FYB2: variants seen among roughly 807,000 people sequenced by gnomAD.
The protein encoded by FYB2 is FYN binding protein 2.
Under a neutral mutation model 94.1 loss-of-function variants are expected in FYB2, and 103 were observed. The ratio of observed to expected loss-of-function variants is 1.09; its 90% CI spans 0.93 to 1.29. The LOEUF is 1.29. Among genes scored for constraint, FYB2 ranks in the 50% most tolerant of loss-of-function variants. The probability of loss-of-function intolerance (pLI) is 0.00; values close to 1 mark genes in which losing one functional copy is unlikely to be tolerated. For missense variants in FYB2, 896 were observed against 841.5 expected (o/e 1.06, Z -0.80); for synonymous variants, 293 against 287.9 (o/e 1.02, Z -0.18).
At chr1:56,819,431 A>G (rs1323699977), upstream of FYB2, 5 of 1,218,050 alleles carry the variant, frequency 4.1e-6, no homozygotes, top group Non-Finnish European at 5.8e-6. Flanking sequence ...CAGGCTCCCC[A>G]CCTGCCCCAT....
chr1:56,807,578 C>T (rs1557669256), intron 1 of FYB2, among the ~76,000 whole-genome samples: 1 of 152,198 alleles, frequency 6.6e-6, no homozygotes, highest in South Asian at 2.1e-4. Context: ...ATTGCCTCTG[C>T]TACTTCTATG....
intron 15 of FYB2, among the ~76,000 whole-genome samples, chr1:56,732,962 C>T (rs1644744028): frequency 6.6e-6 from 1 of 151,936 alleles, no homozygotes; most frequent in African/African-American, 2.4e-5. Context: ...GCACAAGTAA[C>T]AAAGCAAAAA....
At chr1:56,788,898 C>T (rs566694004) in intron 3 of FYB2, 75 bp downstream of exon 3, 13 of 1,566,344 alleles carry the variant, frequency 8.3e-6, no homozygotes, top group African/African-American at 4.1e-5. Context: ...GCAGCGGCAT[C>T]GTCACCTGGG....
intron 4 of FYB2, among the ~76,000 whole-genome samples, chr1:56,776,116 T>C (rs1043991150): frequency 1.3e-5 from 2 of 152,090 alleles, no homozygotes; most frequent in Non-Finnish European, 2.9e-5. Flanking sequence ...TCCTCTGCAC[T>C]ACAAGTCACT....
chr1:56,794,370 A>C (rs1264080611), intron 1 of FYB2, among the ~76,000 whole-genome samples: 1 of 152,210 alleles, frequency 6.6e-6, no homozygotes, highest in Admixed American at 6.5e-5. Context: ...TTTCGCAGGA[A>C]GTAGGACAAT....
Position 56,719,678 on chromosome 1 carries a change from G to C in FYB2, c.2180C>G (p.Ser727Ter), listed in dbSNP as rs1406968360. The change falls in exon 20 of 20, where the codon TCA becomes TGA. Residue 727 changes from serine to a stop codon, truncating the protein, a stop_gained. Coordinates refer to ENST00000343433, the MANE Select transcript of FYB2 (RefSeq NM_001004303.5). LOFTEE classifies it high-confidence loss of function. ...CATTTGATCTTGATTTTTCTAAGGT[G>C]ACCAACTTTGATGCCTGTGAAAAAA... ...EHLDFKHQSW[S>*]P 1 of 1,601,074 alleles carries C rather than the reference G, an allele frequency of 6.2e-7. No homozygotes were observed. The highest frequency in any genetic ancestry group is 8.5e-7 in the Non-Finnish European group (1 of 1,169,818).
chr1:56,795,822 T>C (rs183549967), intron 1 of FYB2, among the ~76,000 whole-genome samples: 1 of 152,312 alleles, frequency 6.6e-6, no homozygotes, highest in East Asian at 1.9e-4. Context: ...TAGTATGAAA[T>C]AGAATTATGG....
chr1:56,749,401 C>G (rs1419114601), intron 9 of FYB2, among the ~76,000 whole-genome samples: 2 of 151,772 alleles, frequency 1.3e-5, no homozygotes, highest in African/African-American at 4.8e-5. Flanking sequence ...AATCATTTTT[C>G]CCTATAGAAT....
At chr1:56,757,723 TTTCTTTCTTTCA>T (rs202060043) in intron 6 of FYB2, among the ~76,000 whole-genome samples, 4,217 of 114,568 alleles carry the variant, frequency 0.037, 139 homozygotes, top group East Asian at 0.11. Context: ...TCTTTCTTTC[TTTCTTTCTTTCA>T]TTCTTTCTTT....
At chr1:56,805,063 C>A (rs368921643) in intron 1 of FYB2, among the ~76,000 whole-genome samples, 12 of 152,304 alleles carry the variant, frequency 7.9e-5, no homozygotes, top group African/African-American at 2.9e-4. Context: ...CCAATCCCTC[C>A]GAGCAGCTTT....
intron 1 of FYB2, among the ~76,000 whole-genome samples, chr1:56,816,452 C>T (rs1646884156): frequency 6.6e-6 from 1 of 152,128 alleles, no homozygotes; most frequent in Non-Finnish European, 1.5e-5. Flanking sequence ...TGGGGTATGA[C>T]CTTTTATGAC....
chr1:56,722,338 A>G (rs1035833688), intron 17 of FYB2, among the ~76,000 whole-genome samples: 2 of 152,152 alleles, frequency 1.3e-5, no homozygotes, highest in Non-Finnish European at 2.9e-5. Flanking sequence ...TATGCTCTGC[A>G]CATGGATATA....
At chr1:56,736,958 G>T in intron 15 of FYB2, 129 bp downstream of exon 15, 1 of 722,466 alleles carries the variant, frequency 1.4e-6, no homozygotes, top group Non-Finnish European at 2.3e-6. Flanking sequence ...TTAGTGAGAA[G>T]ACTATCTTAA....
In FYB2 at chr1:56,753,889, A is replaced by G. The variant is rs760305094; in HGVS notation, c.1177T>C (p.Leu393=). The change falls in exon 8 of 20, where the codon TTG becomes CTG. Residue 393 remains leucine, a synonymous_variant. Transcript: ENST00000343433. ...TCCTTTTCTGTGTTTTTAGGTTTCA[A>G]TTCACATGGTTGTTTTTCCTTCATT... ...KKMKEKQPCE[L]KPKNTEKEPY... 2.5e-6 allele frequency: 4 copies of G among 1,611,740 alleles called. No individual in the cohort carries two copies. Among genetic ancestry groups the G allele is most frequent in the South Asian group, 2.2e-5 (2 of 91,036 alleles).
chr1:56,770,602 TAAC>T (rs1337815832), intron 4 of FYB2, among the ~76,000 whole-genome samples: 2 of 152,134 alleles, frequency 1.3e-5, no homozygotes, highest in African/African-American at 4.8e-5. Flanking sequence ...AAGGATGGCT[TAAC>T]ATCAGAAAAT....
At chr1:56,809,506 A>C (rs1341476353) in intron 1 of FYB2, among the ~76,000 whole-genome samples, 1 of 152,144 alleles carries the variant, frequency 6.6e-6, no homozygotes, top group Non-Finnish European at 1.5e-5. Flanking sequence ...GAATGCCTCC[A>C]TGCTTTTGCA....
At chr1:56,731,717 T>C (rs1438953716) in intron 15 of FYB2, among the ~76,000 whole-genome samples, 2 of 152,022 alleles carry the variant, frequency 1.3e-5, no homozygotes, top group Non-Finnish European at 2.9e-5. Flanking sequence ...ATGTGAAACA[T>C]CACTGCAACA....
intron 11 of FYB2, 31 bp downstream of exon 11, chr1:56,743,995 G>T (rs1251175673): frequency 6.2e-7 from 1 of 1,604,440 alleles, no homozygotes; most frequent in Admixed American, 1.7e-5. Flanking sequence ...AATTCCTACT[G>T]GCAACTTCAG....
At chr1:56,756,665 C>A (rs1446564381) in intron 6 of FYB2, among the ~76,000 whole-genome samples, 2 of 152,094 alleles carry the variant, frequency 1.3e-5, no homozygotes, top group Non-Finnish European at 2.9e-5. Flanking sequence ...ACAAGTCAGA[C>A]AGACCTTGTT....
Sources: gnomAD v4.1 joint callset for allele counts (sites outside exome capture counted in the v4.1 genomes callset) on GRCh38, gnomAD v4.1.1 for gene constraint, MANE v1.5 for transcripts, NCBI Gene and HGNC (gene_info 2026-07-23, HGNC 2026-07-21) for gene names.